ARSB: variants seen among roughly 807,000 people sequenced by gnomAD.
ARSB encodes arylsulfatase B.
ARSB carries 41 observed loss-of-function variants against 50.9 expected under a neutral mutation model. The ratio of observed to expected loss-of-function variants is 0.81; its 90% CI spans 0.63 to 1.04. ARSB has a LOEUF of 1.04. ARSB is among the 50% of genes least tolerant of loss of function. The pLI, the probability that ARSB is intolerant of heterozygous loss-of-function variation, is 0.00. For synonymous variants in ARSB, 269 were observed against 284.8 expected (o/e 0.94, Z 0.56); for missense variants, 672 against 693.3 (o/e 0.97, Z 0.35).
intron 6 of ARSB, among the ~76,000 whole-genome samples, chr5:78,837,898 G>A (rs115808335): frequency 0.019 from 2,950 of 152,148 alleles, 99 homozygotes; most frequent in African/African-American, 0.066. Flanking sequence ...ACTGACATGC[G>A]TTTACTCCAA....
At chr5:78,884,727 T>TA (rs1427016289) in intron 5 of ARSB, 2 of 152,208 alleles carry the variant, frequency 1.3e-5, no homozygotes, top group African/African-American at 4.8e-5. Flanking sequence ...TTATGTGTCT[T>TA]AAAAAACATA....
intron 4 of ARSB, among the ~76,000 whole-genome samples, chr5:78,940,070 T>C (rs1008925775): frequency 2.6e-5 from 4 of 152,256 alleles, no homozygotes; most frequent in South Asian, 2.1e-4. Context: ...TTTGGCTGCA[T>C]AAATGTCTTC....
chr5:78,969,524 C>T (rs2020404), intron 1 of ARSB, among the ~76,000 whole-genome samples: 34,956 of 151,968 alleles, frequency 0.23, 4,653 homozygotes, highest in African/African-American at 0.38. Context: ...AAGAAAAAAG[C>T]GTTCCAATTT....
Position 78,922,675 on chromosome 5 carries a change from G to A in ARSB, c.898+32620C>T, listed in dbSNP as rs544994099. 3.3e-5 allele frequency among the ~76,000 whole-genome samples: 5 copies of A among 151,002 alleles called. No individual in the cohort carries two copies. The East Asian group carries it at 9.9e-4, about 30-fold the overall frequency. ...GTCTTCTGCTTGAGAAAAGGAGAGG[G>A]AATTGTAAAGCGGACTTTTGTCTTG... On this transcript the variant is annotated intron_variant, in intron 4 of 7. Transcript: ENST00000264914.
chr5:78,879,353 G>A (rs1001002695), intron 5 of ARSB, among the ~76,000 whole-genome samples: 15 of 152,278 alleles, frequency 9.9e-5, no homozygotes, highest in South Asian at 8.3e-4. Flanking sequence ...CCTAGAAATG[G>A]CAAACATAGT....
rs925467585 is a variant in ARSB at position 78,779,004 on chromosome 5, G to C, written c.*1393C>G. On this transcript the variant is annotated 3_prime_UTR_variant, in exon 8 of 8. Coordinates refer to ENST00000264914, the MANE Select transcript of ARSB (RefSeq NM_000046.5). Reference sequence around the variant, plus strand: ...CTGTACTCCAACCTGGTGACAGAGTGAGATCGTCTCATAAAGATATAAAAA... The same window carrying C: ...CTGTACTCCAACCTGGTGACAGAGTCAGATCGTCTCATAAAGATATAAAAA... 1 of 152,100 alleles carries C rather than the reference G, an allele frequency of 6.6e-6. No homozygotes were observed. Among genetic ancestry groups the C allele is most frequent in the African/African-American group, 2.4e-5 (1 of 41,398 alleles). 9.4% of individuals were successfully genotyped at this position (152,100 alleles called of 1,614,324 possible).
At chr5:78,835,061 T>C (rs1328678801) in intron 6 of ARSB, among the ~76,000 whole-genome samples, 1 of 151,316 alleles carries the variant, frequency 6.6e-6, no homozygotes, top group East Asian at 2.0e-4. Context: ...TATGCATCCT[T>C]GAGACTTTAT....
chr5:78,861,528 T>A (rs143751271), intron 5 of ARSB, among the ~76,000 whole-genome samples: 1 of 152,194 alleles, frequency 6.6e-6, no homozygotes, highest in Admixed American at 6.5e-5. Context: ...ATTATCTCAA[T>A]AGATGCACAA....
At chr5:78,887,337 T>C (rs1748086271) in intron 4 of ARSB, among the ~76,000 whole-genome samples, 1 of 152,112 alleles carries the variant, frequency 6.6e-6, no homozygotes, top group South Asian at 2.1e-4. Flanking sequence ...CCCACTCTCA[T>C]GGCGACTAAT....
At chr5:78,878,845 A>G (rs1169843831) in intron 5 of ARSB, among the ~76,000 whole-genome samples, 1 of 109,924 alleles carries the variant, frequency 9.1e-6, no homozygotes, top group African/African-American at 2.9e-5. Flanking sequence ...TATCATTATG[A>G]TCAGGAGATT....
chr5:78,783,011 G>T (rs774872505), intron 6 of ARSB, among the ~76,000 whole-genome samples: 11 of 152,146 alleles, frequency 7.2e-5, no homozygotes, highest in Non-Finnish European at 1.3e-4. Context: ...CAAGGCAAGA[G>T]TTCTACTCTT....
At chr5:78,873,685 C>T (rs945215454) in intron 5 of ARSB, among the ~76,000 whole-genome samples, 2 of 150,548 alleles carry the variant, frequency 1.3e-5, no homozygotes, top group Admixed American at 6.6e-5. Flanking sequence ...TTAGTAGAGA[C>T]GGGGTTTCAC....
intron 4 of ARSB, among the ~76,000 whole-genome samples, chr5:78,951,910 C>A (rs1751508958): frequency 6.6e-6 from 1 of 152,076 alleles, no homozygotes; most frequent in Non-Finnish European, 1.5e-5. Context: ...GACAACAAAA[C>A]CTGACACAAA....
chr5:78,977,345 G>C (rs927556578), intron 1 of ARSB, among the ~76,000 whole-genome samples: 1 of 152,034 alleles, frequency 6.6e-6, no homozygotes, highest in Non-Finnish European at 1.5e-5. Context: ...GTAGAGACAG[G>C]GTTTCACCAT....
chr5:78,904,193 T>C (rs1216948524), intron 4 of ARSB, among the ~76,000 whole-genome samples: 1 of 152,210 alleles, frequency 6.6e-6, no homozygotes, highest in African/African-American at 2.4e-5. Flanking sequence ...CACTACTGAG[T>C]AGTAGTCCAC....
intron 4 of ARSB, among the ~76,000 whole-genome samples, chr5:78,913,417 G>A (rs150175452): frequency 0.016 from 2,502 of 152,310 alleles, 40 homozygotes; most frequent in East Asian, 0.041. Flanking sequence ...GAGCCACCGC[G>A]CCCGGCTTAA....
rs573726558 is a variant in ARSB, at chr5:78,809,378, C to A, written c.1214-27404G>T. 2.6e-5 allele frequency among the ~76,000 whole-genome samples: 4 copies of A among 152,350 alleles called. No homozygotes were observed. In the South Asian group the frequency reaches 6.2e-4, roughly 24 times the overall value. On this transcript the variant is annotated intron_variant, in intron 6 of 7. Coordinates refer to ENST00000264914, the MANE Select transcript of ARSB (RefSeq NM_000046.5). ...AACGGGAACAGCATGAGGAAAAGCA[C>A]GGCAGCACATTGGTGGTGTAGGTGT...
At chr5:78,917,482 G>GT (rs1749611132) in intron 4 of ARSB, among the ~76,000 whole-genome samples, 1 of 151,746 alleles carries the variant, frequency 6.6e-6, no homozygotes, top group Non-Finnish European at 1.5e-5. Flanking sequence ...TAAATCACTG[G>GT]TTTTTTAAAA....
chr5:78,937,377 G>C (rs2547907), intron 4 of ARSB, among the ~76,000 whole-genome samples: 1 of 138,508 alleles, frequency 7.2e-6, no homozygotes, highest in African/African-American at 2.7e-5. Context: ...ATATATGTAA[G>C]ATATATATAT....
Sources: allele counts gnomAD v4.1 joint callset (sites outside exome capture counted in the v4.1 genomes callset), GRCh38; gene constraint gnomAD v4.1.1; transcripts MANE v1.5; gene names NCBI Gene and HGNC (gene_info 2026-07-23, HGNC 2026-07-21).